KATNAL2: variants seen among roughly 807,000 people sequenced by gnomAD.
KATNAL2 encodes the protein katanin p60 ATPase-containing subunit A-like 2.
Under a neutral mutation model 76.3 loss-of-function variants are expected in KATNAL2, and 52 were observed. The observed-to-expected ratio is 0.68, with a 90% confidence interval of 0.55 to 0.86. KATNAL2 has a LOEUF of 0.86. Among genes scored for constraint, KATNAL2 ranks in the 40% least tolerant of loss-of-function variants. The pLI, the probability that KATNAL2 is intolerant of heterozygous loss-of-function variation, is 0.00. For missense variants in KATNAL2, 660 were observed against 668.9 expected, an observed-to-expected ratio of 0.99 and a Z score of 0.15; for synonymous variants, 243 against 244.2, an observed-to-expected ratio of 1.00 and a Z score of 0.05.
intron 15 of KATNAL2, among the ~76,000 whole-genome samples, chr18:47,096,941 C>G (rs2063269638): frequency 6.6e-6 from 1 of 151,816 alleles, no homozygotes; most frequent in South Asian, 2.1e-4. Flanking sequence ...AGTTCAAGAC[C>G]AGCATGGTTA....
chr18:46,954,604 C>A (rs188941022), intron 3 of KATNAL2, among the ~76,000 whole-genome samples: 64 of 150,940 alleles, frequency 4.2e-4, no homozygotes, highest in Non-Finnish European at 4.4e-5. Context: ...GCTGGGATTA[C>A]AGGTGTGAGC....
chr18:47,032,903 A>T (rs1484838711), intron 3 of KATNAL2: 19 of 1,599,360 alleles, frequency 1.2e-5, no homozygotes, highest in Non-Finnish European at 1.6e-5. Context: ...GCACCAAGTT[A>T]AAGGTTCTGG....
intron 8 of KATNAL2, among the ~76,000 whole-genome samples, chr18:47,061,815 GC>G (rs201053982): frequency 0.022 from 3,419 of 152,060 alleles, 47 homozygotes; most frequent in East Asian, 0.044. Context: ...GAGCCTTGGT[GC>G]AGTGCTAGCA....
rs182196460 is a variant in KATNAL2 at position 47,090,194 on chromosome 18, C to A, written c.1212-9049C>A. Among the ~76,000 whole-genome samples the A allele has an allele frequency of 8.1e-4, 123 of 152,172 alleles. 1 individual carries two copies. The highest frequency in any genetic ancestry group is 4.7e-3 in the Admixed American group (72 of 15,290). ...TGATCTTGGCTCACTGCAACCTTCG[C>A]CTCCCAAGTTCAAGCAATTCTCCTG... On this transcript the variant is annotated intron_variant, in intron 15 of 17. Transcript: ENST00000683218.
intron 3 of KATNAL2, among the ~76,000 whole-genome samples, chr18:46,965,368 G>T: frequency 8.7e-6 from 1 of 115,120 alleles, no homozygotes; most frequent in East Asian, 2.2e-4. Flanking sequence ...TCAGGTGGAC[G>T]CCTCACGGTT....
chr18:47,080,708 G>A (rs2062466876), intron 15 of KATNAL2, among the ~76,000 whole-genome samples: 1 of 152,056 alleles, frequency 6.6e-6, no homozygotes, highest in Non-Finnish European at 1.5e-5. Flanking sequence ...GCTAACGCTT[G>A]TTATTATATG....
chr18:47,066,847 T>TTATATATATA lies in KATNAL2; in HGVS notation c.727-137_727-128dup, dbSNP rs56018747. Reference sequence around the variant, plus strand: ...CCAAAATTACAATGTATATATGTGTTTATATATATATATATATATATATAT... The same window carrying TTATATATATA: ...CCAAAATTACAATGTATATATGTGTTTATATATATATATATATATATATATATATATATAT... On this transcript the variant is annotated intron_variant, in intron 10 of 17. Transcript: ENST00000683218. Among the ~76,000 whole-genome samples the TTATATATATA allele has an allele frequency of 2.9e-3, 87 of 29,550 alleles. 4 individuals are homozygous for TTATATATATA. Among genetic ancestry groups the TTATATATATA allele is most frequent in the Non-Finnish European group, 3.6e-3 (55 of 15,276 alleles). The allele number at this position is 29,550 out of a possible 152,430, so 19.4% of individuals were successfully genotyped here. A position where few individuals can be genotyped will look rare whatever the true frequency, so the allele number is the denominator to read the frequency against.
chr18:46,961,989 A>C (rs889148838), intron 3 of KATNAL2, among the ~76,000 whole-genome samples: 1 of 152,232 alleles, frequency 6.6e-6, no homozygotes, highest in Non-Finnish European at 1.5e-5. Flanking sequence ...AGTTATCTTC[A>C]GGCATTAACA....
At chr18:46,942,569 G>A (rs2059276685) in intron 1 of KATNAL2, among the ~76,000 whole-genome samples, 1 of 152,128 alleles carries the variant, frequency 6.6e-6, no homozygotes, top group Non-Finnish European at 1.5e-5. Context: ...AGCTGAGATT[G>A]CACCACTGCA....
At chr18:47,031,691 C>G (rs1471245062) in intron 3 of KATNAL2, among the ~76,000 whole-genome samples, 2 of 152,114 alleles carry the variant, frequency 1.3e-5, no homozygotes, top group African/African-American at 4.8e-5. Context: ...ATTGGTCGTC[C>G]TGGTCTTTAA....
chr18:46,926,196 T>C (rs2058724501), intron 1 of KATNAL2, among the ~76,000 whole-genome samples: 1 of 152,218 alleles, frequency 6.6e-6, no homozygotes, highest in African/African-American at 2.4e-5. Flanking sequence ...ATTTTAGATC[T>C]TTCCTGCTTT....
At chr18:47,076,504 C>T (rs990148189) in intron 14 of KATNAL2, 3 of 152,092 alleles carry the variant, frequency 2.0e-5, no homozygotes, top group East Asian at 1.9e-4. Flanking sequence ...TGTGCTTTGT[C>T]GAGCTCTGTC....
rs555215537 is a variant in KATNAL2, at chr18:47,035,447, G to T, written c.52-11010G>T. The T allele has an allele frequency of 4.5e-5, 60 of 1,331,990 alleles. No individual in the cohort carries two copies. In the African/African-American group the frequency reaches 8.1e-4, roughly 18 times the overall value. 82.5% of individuals were successfully genotyped at this position (1,331,990 alleles called of 1,614,324 possible). On this transcript the variant is annotated intron_variant, in intron 3 of 17. Coordinates refer to ENST00000683218, the MANE Select transcript of KATNAL2 (RefSeq NM_001387690.1). ...AGCAGCAGGCCACTTGGTCTGGAAC[G>T]GCCGTCCTTGCAGACAGCTGAGCAG...
At chr18:46,950,788 G>A (rs1222533957) in intron 3 of KATNAL2, among the ~76,000 whole-genome samples, 4 of 152,012 alleles carry the variant, frequency 2.6e-5, no homozygotes, top group African/African-American at 9.7e-5. Context: ...GGGTTCAAGC[G>A]ACTCTCCTGC....
intron 13 of KATNAL2, 126 bp downstream of exon 13, chr18:47,069,726 G>C (rs1223356600): frequency 1.7e-6 from 1 of 605,564 alleles, no homozygotes; most frequent in African/African-American, 1.8e-5. Flanking sequence ...CCTGGATCTT[G>C]ATTACCAGCA....
At position 47,052,861 on chromosome 18, in the gene KATNAL2, T is replaced by C; in HGVS notation, c.123-19T>C. 6.4e-7 allele frequency: 1 copy of C among 1,566,344 alleles called. No homozygotes were observed. ...TTCACCTCAGTTAATTTCTTCTTTT[T>C]ATTCTGTGAAACTGCCAGGTATATC... On this transcript the variant is annotated intron_variant, in intron 4 of 17. Transcript: ENST00000683218.
chr18:47,063,144 GT>G, intron 9 of KATNAL2, 74 bp downstream of exon 9: 1 of 1,487,970 alleles, frequency 6.7e-7, no homozygotes, highest in Non-Finnish European at 9.4e-7. Context: ...ATAATTTTGA[GT>G]ACAGTGAAAC....
intron 15 of KATNAL2, among the ~76,000 whole-genome samples, chr18:47,080,391 G>A (rs989762627): frequency 2.0e-5 from 3 of 152,102 alleles, no homozygotes; most frequent in African/African-American, 4.8e-5. Context: ...TTAGGGTTGT[G>A]CAACTACCAC....
At chr18:47,059,443 C>T (rs2061566136) in intron 7 of KATNAL2, 113 bp from the exon 8 acceptor site, 4 of 735,650 alleles carry the variant, frequency 5.4e-6, no homozygotes, top group Admixed American at 3.8e-5. Context: ...GTGCATGTCG[C>T]GTTCACAGAA....
Sources: gnomAD v4.1 joint callset for allele counts (sites outside exome capture counted in the v4.1 genomes callset) on GRCh38, gnomAD v4.1.1 for gene constraint, MANE v1.5 for transcripts, NCBI Gene and HGNC (gene_info 2026-07-23, HGNC 2026-07-21) for gene names.